Variants in LOXHD1 observed in about 807,000 individuals in gnomAD.
LOXHD1 encodes lipoxygenase homology domain-containing protein 1.
LOXHD1 carries 205 observed loss-of-function variants against 248.2 expected under a neutral mutation model. The ratio of observed to expected loss-of-function variants is 0.83; its 90% CI spans 0.74 to 0.93. The LOEUF is 0.93. Among genes scored for constraint, LOXHD1 ranks in the 40% least tolerant of loss-of-function variants. The pLI, the probability that LOXHD1 is intolerant of heterozygous loss-of-function variation, is 0.00. For missense variants in LOXHD1, 2,930 were observed against 2,971.6 expected (o/e 0.99, Z 0.33); for synonymous variants, 1,113 against 1,162.8 (o/e 0.96, Z 0.87).
chr18:46,560,048 T>TGCCGGCGG, intron 19 of LOXHD1, 35 bp downstream of exon 19: 1 of 1,226,298 alleles, frequency 8.2e-7, no homozygotes, highest in Non-Finnish European at 1.1e-6. Context: ...GTCTGGCCAC[T>TGCCGGCGG]CCCTCCCCAC....
chr18:46,605,298 G>A (rs533759334), intron 6 of LOXHD1, among the ~76,000 whole-genome samples: 23 of 152,148 alleles, frequency 1.5e-4, no homozygotes, highest in South Asian at 4.2e-4. Flanking sequence ...AGGCCGAGGC[G>A]GGAGGATCAC....
chr18:46,656,611 T>C (rs556421723), intron 1 of LOXHD1, among the ~76,000 whole-genome samples: 3 of 152,316 alleles, frequency 2.0e-5, no homozygotes, highest in South Asian at 2.1e-4. Context: ...TTGGGGATGT[T>C]CAGGAGCTGG....
Position 46,563,211 on chromosome 18 carries a change from C to A in LOXHD1, c.2452G>T (p.Val818Phe). 6.6e-7 allele frequency: 1 copy of A among 1,509,532 alleles called. No homozygotes were observed. The highest frequency in any genetic ancestry group is 9.0e-7 in the Non-Finnish European group (1 of 1,113,532). 93.5% of individuals were successfully genotyped at this position (1,509,532 alleles called of 1,614,324 possible). The change falls in exon 18 of 41, where the codon GTT becomes TTT. Residue 818 changes from valine (V) to phenylalanine (F), a missense_variant. Physicochemically the swap from Val to Phe is conservative, Grantham distance 50. Coordinates refer to ENST00000642948, the MANE Select transcript of LOXHD1 (RefSeq NM_001384474.1). ...CCCACATCTCCTGTCCAAATCTCAACCTCATAGTGGACCACTGGGTGGGCA... is the reference window on the plus strand; with the variant it reads ...CCCACATCTCCTGTCCAAATCTCAAACTCATAGTGGACCACTGGGTGGGCA... ...VEIQKLVHYE[V>F]EIWTGDVGGA...
intron 12 of LOXHD1, 141 bp downstream of exon 12, chr18:46,591,792 G>A (rs1265402620): frequency 2.9e-6 from 3 of 1,030,478 alleles, no homozygotes; most frequent in Non-Finnish European, 1.4e-6. Context: ...CTTGAGGCAG[G>A]GACCTTCCAA....
chr18:46,585,831 T>C (rs1436765769), intron 12 of LOXHD1, among the ~76,000 whole-genome samples: 1 of 152,212 alleles, frequency 6.6e-6, no homozygotes, highest in African/African-American at 2.4e-5. Flanking sequence ...TTTAAAATGG[T>C]ACAGCTATTT....
intron 25 of LOXHD1, among the ~76,000 whole-genome samples, chr18:46,541,427 C>T (rs1039259948): frequency 6.6e-6 from 1 of 152,140 alleles, no homozygotes; most frequent in African/African-American, 2.4e-5. Flanking sequence ...ATAATGATTC[C>T]TCAGTTAGAC....
intron 33 of LOXHD1, among the ~76,000 whole-genome samples, chr18:46,519,848 G>A (rs2035479372): frequency 6.6e-6 from 1 of 152,168 alleles, no homozygotes; most frequent in South Asian, 2.1e-4. Flanking sequence ...CTGATACCAG[G>A]TGTCCTGGGG....
intron 37 of LOXHD1, among the ~76,000 whole-genome samples, chr18:46,495,572 G>A (rs2033806806): frequency 1.3e-5 from 2 of 152,070 alleles, no homozygotes; most frequent in South Asian, 2.1e-4. Flanking sequence ...CAATAATAAT[G>A]GGATTTCTGT....
chr18:46,627,599 C>T (rs557620409), intron 4 of LOXHD1, among the ~76,000 whole-genome samples: 7 of 152,190 alleles, frequency 4.6e-5, no homozygotes, highest in Non-Finnish European at 1.0e-4. Flanking sequence ...CATGCATTCT[C>T]CAAACATTCT....
rs565479376 is a variant in LOXHD1 at position 46,529,126 on chromosome 18, G to A, written c.4530+51C>T. 42 of 1,546,314 alleles carry A rather than the reference G, an allele frequency of 2.7e-5. 1 individual carries two copies. The highest frequency in any genetic ancestry group is 2.6e-4 in the South Asian group (22 of 83,640). On this transcript the variant is annotated intron_variant, in intron 29 of 40. Coordinates refer to ENST00000642948, the MANE Select transcript of LOXHD1 (RefSeq NM_001384474.1). ...ACCAAGAAGAGCTGGCACCTAGATCGCTGGGCCTGGAGAGGAGGGAAGGAG... is the reference window on the plus strand; with the variant it reads ...ACCAAGAAGAGCTGGCACCTAGATCACTGGGCCTGGAGAGGAGGGAAGGAG...
intron 4 of LOXHD1, among the ~76,000 whole-genome samples, chr18:46,619,421 C>T (rs2038637258): frequency 6.6e-6 from 1 of 152,108 alleles, no homozygotes; most frequent in South Asian, 2.1e-4. Context: ...TGAGTTTTGT[C>T]ATTTACTGTC....
At chr18:46,554,705 A>C (rs956886747) in intron 21 of LOXHD1, among the ~76,000 whole-genome samples, 1 of 151,866 alleles carries the variant, frequency 6.6e-6, no homozygotes, top group Non-Finnish European at 1.5e-5. Flanking sequence ...AAGAAGAGAA[A>C]GGGAGGGGGG....
At chr18:46,504,443 T>A (rs1351034902) in intron 37 of LOXHD1, among the ~76,000 whole-genome samples, 3 of 152,202 alleles carry the variant, frequency 2.0e-5, no homozygotes, top group African/African-American at 4.8e-5. Flanking sequence ...TTTGTATCTT[T>A]AATACCTAAC....
intron 1 of LOXHD1, among the ~76,000 whole-genome samples, chr18:46,653,512 G>T (rs9947497): frequency 0.025 from 3,824 of 152,328 alleles, 136 homozygotes; most frequent in African/African-American, 0.078. Flanking sequence ...GTAGAAGACA[G>T]ATACCTTGTG....
chr18:46,524,449 C>G lies in LOXHD1; in HGVS notation c.4876+17G>C, dbSNP rs2144162073. The G allele has an allele frequency of 6.5e-7, 1 of 1,544,538 alleles. No homozygotes were observed. The highest frequency in any genetic ancestry group is 8.8e-7 in the Non-Finnish European group (1 of 1,140,970). On this transcript the variant is annotated intron_variant, in intron 31 of 40. Transcript: ENST00000642948. Reference sequence around the variant, plus strand: ...ATGTGCCTGGCCCCCGTCCAAAGAGCTCCCTGGTTGGCTTACTTGGGCCCT... The same window carrying G: ...ATGTGCCTGGCCCCCGTCCAAAGAGGTCCCTGGTTGGCTTACTTGGGCCCT...
In LOXHD1 at chr18:46,619,022, A is replaced by C. The variant is rs115784485; in HGVS notation, c.512-732T>G. ...GGAGACGAAGCTTGGTAAACTTGAC[A>C]TGATGAGACCTGCCCAGGTCTCCCC... On this transcript the variant is annotated intron_variant, in intron 4 of 40. Transcript: ENST00000642948. 4.9e-3 allele frequency among the ~76,000 whole-genome samples: 741 copies of C among 152,202 alleles called. 11 individuals carry two copies. The highest frequency in any genetic ancestry group is 0.017 in the African/African-American group (725 of 41,548).
At position 46,656,850 on chromosome 18, in the gene LOXHD1, C is replaced by T. The variant is rs1464423128; in HGVS notation, c.130+54G>A. Reference sequence around the variant, plus strand: ...ACTCCCCATAGACAGGAACAGACCCCTGCCCACCGCAGCCAGCTGCACCAC... The same window carrying T: ...ACTCCCCATAGACAGGAACAGACCCTTGCCCACCGCAGCCAGCTGCACCAC... On this transcript the variant is annotated intron_variant, in intron 1 of 40. Transcript: ENST00000642948. The T allele has an allele frequency of 3.2e-6, 5 of 1,539,342 alleles. No individual in the cohort carries two copies. The Admixed American group carries it at 9.9e-5, about 30-fold the overall frequency.
chr18:46,509,605 T>C lies in LOXHD1; in HGVS notation c.5517+93A>G, dbSNP rs1270793652. On this transcript the variant is annotated intron_variant, in intron 35 of 40. Transcript: ENST00000642948. The stretch of plus-strand genomic sequence containing the variant: ...ATGTAATGATCCTCTACAGTGACAT[T>C]TGTGCTTTAACAAGGTCCATTGACA... The C allele has an allele frequency of 7.8e-6, 7 of 895,962 alleles. No homozygotes were observed. The African/African-American group carries it at 8.3e-5, about 11-fold the overall frequency. 55.5% of individuals were successfully genotyped at this position (895,962 alleles called of 1,614,324 possible).
chr18:46,587,019 C>G (rs539859451), intron 12 of LOXHD1, among the ~76,000 whole-genome samples: 287 of 152,260 alleles, frequency 1.9e-3, no homozygotes, highest in Middle Eastern at 3.4e-3. Context: ...TAGAGGCCTG[C>G]CTTGAGCAAA....
Sources: allele counts gnomAD v4.1 joint callset (sites outside exome capture counted in the v4.1 genomes callset), GRCh38; gene constraint gnomAD v4.1.1; transcripts MANE v1.5; gene names NCBI Gene and HGNC (gene_info 2026-07-23, HGNC 2026-07-21).